Variants in SHFL observed in about 807,000 individuals in gnomAD.
The protein encoded by SHFL is shiftless antiviral inhibitor of ribosomal frameshifting protein.
In SHFL, 12 loss-of-function variants were observed where a neutral mutation model predicts 34.7. That is an observed-to-expected ratio of 0.35 (90% CI 0.22 to 0.56). SHFL has a LOEUF of 0.56. SHFL is among the 20% of genes least tolerant of loss of function. SHFL has a pLI of 0.88. For synonymous variants in SHFL, 148 were observed against 156.0 expected, an observed-to-expected ratio of 0.95 and a Z score of 0.38; for missense variants, 278 against 411.1, an observed-to-expected ratio of 0.68 and a Z score of 2.80.
rs1320774248 is a variant in SHFL, at chr19:10,091,385, C to A, written c.488+32C>A. ...GCGCTGACCCCCAGCTCCCCCTCAGCCCTGCCCTACCCCAGCCCTGCCCCT... is the reference window on the plus strand; with the variant it reads ...GCGCTGACCCCCAGCTCCCCCTCAGACCTGCCCTACCCCAGCCCTGCCCCT... On this transcript the variant is annotated intron_variant, in intron 6 of 7. Coordinates refer to ENST00000253110, the MANE Select transcript of SHFL (RefSeq NM_018381.4). This position sits in a 1 kb window ranked among gnomAD's most constrained non-coding sequence, Gnocchi z 8.2. The A allele has an allele frequency of 6.3e-7, 1 of 1,598,864 alleles. No homozygotes were observed. The highest frequency in any genetic ancestry group is 1.1e-5 in the South Asian group (1 of 90,000).
Position 10,091,785 on chromosome 19 carries a change from G to T in SHFL, c.643+155G>T. ...CCCCCAGTCTCCGTGGTCTTGCCCA[G>T]GAGGCTCTGAGGTTTCACCCCAGTG... On this transcript the variant is annotated intron_variant, in intron 7 of 7. Coordinates refer to ENST00000253110, the MANE Select transcript of SHFL (RefSeq NM_018381.4). The surrounding 1 kb of genome is among the most constrained non-coding windows in gnomAD (Gnocchi z 8.2). The T allele has an allele frequency of 8.6e-7, 1 of 1,160,292 alleles. No individual in the cohort carries two copies. The highest frequency in any genetic ancestry group is 1.2e-6 in the Non-Finnish European group (1 of 844,958). 71.9% of individuals were successfully genotyped at this position (1,160,292 alleles called of 1,614,324 possible).
chr19:10,091,447 C>A lies in SHFL; in HGVS notation c.489-29C>A. On this transcript the variant is annotated intron_variant, in intron 6 of 7. Transcript: ENST00000253110. This position sits in a 1 kb window ranked among gnomAD's most constrained non-coding sequence, Gnocchi z 8.2. Reference sequence around the variant, plus strand: ...CCCCACCCTGGCCCAGCCTCGCCCTCGGACCCTCACAGCCCTGCCCGCCCC... The same window carrying A: ...CCCCACCCTGGCCCAGCCTCGCCCTAGGACCCTCACAGCCCTGCCCGCCCC... 1 of 1,541,070 alleles carries A rather than the reference C, an allele frequency of 6.5e-7. No individual in the cohort carries two copies. Among genetic ancestry groups the A allele is most frequent in the East Asian group, 2.4e-5 (1 of 41,342 alleles).
intron 3 of SHFL, among the ~76,000 whole-genome samples, chr19:10,088,544 G>T (rs2088328173): frequency 1.3e-5 from 2 of 152,178 alleles, no homozygotes; most frequent in African/African-American, 4.8e-5. Flanking sequence ...ACTCCAGCCT[G>T]GGCAACAGAG....
At chr19:10,087,114 T>C (rs1427722110) in intron 2 of SHFL, 62 bp downstream of exon 2, 49 of 1,589,778 alleles carry the variant, frequency 3.1e-5, no homozygotes, top group Non-Finnish European at 3.6e-5. Flanking sequence ...CGAGGGGGCG[T>C]GGTCTAGGGA....
At chr19:10,090,087 A>G in intron 5 of SHFL, 40 bp downstream of exon 5, 4 of 1,574,626 alleles carry the variant, frequency 2.5e-6, no homozygotes, top group Non-Finnish European at 2.6e-6. Flanking sequence ...GACTGTCCCG[A>G]ACTCCACTCC....
intron 3 of SHFL, chr19:10,089,312 C>T (rs772442676): frequency 5.0e-6 from 8 of 1,598,358 alleles, no homozygotes; most frequent in South Asian, 4.4e-5. Flanking sequence ...CTTAGCCGAG[C>T]ACAACGTGGC....
rs1055950881 is a variant in SHFL, at chr19:10,086,808, G to GT, written c.22-121_22-120insT. 3.3e-6 allele frequency: 4 copies of GT among 1,196,412 alleles called. No homozygotes were observed. The highest frequency in any genetic ancestry group is 4.9e-5 in the Admixed American group (2 of 40,748). 74.1% of individuals were successfully genotyped at this position (1,196,412 alleles called of 1,614,324 possible). ...TGCCGTAAAGGGATGAAAGGCGGGG[G>GT]GGGGGCGGCGGAGGCCAAAACCAAG... On this transcript the variant is annotated intron_variant, in intron 1 of 7. Coordinates refer to ENST00000253110, the MANE Select transcript of SHFL (RefSeq NM_018381.4). This position sits in a 1 kb window ranked among gnomAD's most constrained non-coding sequence, Gnocchi z 5.2.
At position 10,092,873 on chromosome 19, in the gene SHFL, C is replaced by A. The variant is rs1161605145; in HGVS notation, c.*571C>A. 6.7e-6 allele frequency: 7 copies of A among 1,039,712 alleles called. No homozygotes were observed. Among genetic ancestry groups the A allele is most frequent in the South Asian group, 4.2e-5 (2 of 47,192 alleles). 64.4% of individuals were successfully genotyped at this position (1,039,712 alleles called of 1,614,324 possible). A position where few individuals can be genotyped will look rare whatever the true frequency, so the allele number is the denominator to read the frequency against. ...AGGCTTTTGCCAGGCATCCCCTGGC[C>A]CCTCCCATTCTTATTGAATACAAGC... On this transcript the variant is annotated 3_prime_UTR_variant, in exon 8 of 8. Coordinates refer to ENST00000253110, the MANE Select transcript of SHFL (RefSeq NM_018381.4).
intron 3 of SHFL, 30 bp downstream of exon 3, chr19:10,087,330 C>G: frequency 6.2e-7 from 1 of 1,613,672 alleles, no homozygotes. Context: ...CGCAAAGGAC[C>G]GGGTCACGGG....
rs1457258903 is a variant in SHFL at position 10,091,578 on chromosome 19, C to T, written c.591C>T (p.Arg197=). The change falls in exon 7 of 8, where the codon CGC becomes CGT. Residue 197 remains arginine (R), a synonymous_variant. Coordinates refer to ENST00000253110, the MANE Select transcript of SHFL (RefSeq NM_018381.4). The surrounding 1 kb of genome is among the most constrained non-coding windows in gnomAD (Gnocchi z 8.2). The stretch of plus-strand genomic sequence containing the variant: ...CGCGCTGGGACCGGGACCCGGATCG[C>T]CGCAGCACCCACACTCACTCCTGCT... ...LPPRWDRDPD[R]RSTHTHSCSA... The T allele has an allele frequency of 6.4e-7, 1 of 1,551,600 alleles. No individual in the cohort carries two copies. Among genetic ancestry groups the T allele is most frequent in the Non-Finnish European group, 8.7e-7 (1 of 1,147,160 alleles).
Position 10,091,582 on chromosome 19 carries a change from A to G in SHFL, c.595A>G (p.Ser199Gly). 1 of 1,551,638 alleles carries G rather than the reference A, an allele frequency of 6.4e-7. No individual in the cohort carries two copies. Among genetic ancestry groups the G allele is most frequent in the South Asian group, 1.2e-5 (1 of 84,062 alleles). Residue 199 changes from serine (S) to glycine (G), a missense_variant, in exon 7 of 8, where the codon AGC becomes GGC. Physicochemically the swap from Ser to Gly is moderately conservative, Grantham distance 56 (BLOSUM62 0). Coordinates refer to ENST00000253110, the MANE Select transcript of SHFL (RefSeq NM_018381.4). The surrounding 1 kb of genome is among the most constrained non-coding windows in gnomAD (Gnocchi z 8.2). ...PRWDRDPDRR[S>G]THTHSCSAAD... ...CTGGGACCGGGACCCGGATCGCCGC[A>G]GCACCCACACTCACTCCTGCTCAGC...
rs543659077 is a variant in SHFL, at chr19:10,091,771, C to T, written c.643+141C>T. ...ATGGCCTCCATGACCCCCCAGTCTC[C>T]GTGGTCTTGCCCAGGAGGCTCTGAG... is the stretch of plus-strand genomic sequence containing the variant. On this transcript the variant is annotated intron_variant, in intron 7 of 7. Transcript: ENST00000253110. The surrounding 1 kb of genome is among the most constrained non-coding windows in gnomAD (Gnocchi z 8.2). 2.9e-4 allele frequency: 353 copies of T among 1,229,576 alleles called. No homozygotes were observed. The highest frequency in any genetic ancestry group is 3.6e-4 in the Non-Finnish European group (323 of 904,118). The allele number at this position is 1,229,576 out of a possible 1,614,324, so 76.2% of individuals were successfully genotyped here.
At chr19:10,087,422 C>A (rs1042912206) in intron 3 of SHFL, 122 bp downstream of exon 3, 2 of 1,001,224 alleles carry the variant, frequency 2.0e-6, no homozygotes, top group African/African-American at 1.6e-5. Context: ...ATTGTCGGTC[C>A]ATAACTCATC....
In SHFL at chr19:10,091,609, G is replaced by A; in HGVS notation, c.622G>A (p.Ala208Thr). Residue 208 changes from alanine to threonine, a missense_variant, in exon 7 of 8, where the codon GCC becomes ACC. By Grantham distance (58) the Ala-to-Thr change is moderately conservative. Transcript: ENST00000253110. The surrounding 1 kb of genome is among the most constrained non-coding windows in gnomAD (Gnocchi z 8.2). ...CACCCACACTCACTCCTGCTCAGCT[G>A]CCGACTGCTACAACCGGCGAGGTGA... ...RSTHTHSCSA[A>T]DCYNRREPHV... 6.4e-7 allele frequency: 1 copy of A among 1,551,778 alleles called. No homozygotes were observed. The highest frequency in any genetic ancestry group is 8.7e-7 in the Non-Finnish European group (1 of 1,147,166).
intron 3 of SHFL, chr19:10,089,445 G>A (rs2088344128): frequency 1.9e-6 from 3 of 1,556,282 alleles, no homozygotes; most frequent in Non-Finnish European, 2.6e-6. Context: ...TTCCCCATCT[G>A]AGCAATAAGG....
Position 10,091,396 on chromosome 19 carries a change from C to A in SHFL, c.488+43C>A. On this transcript the variant is annotated intron_variant, in intron 6 of 7. Transcript: ENST00000253110. The surrounding 1 kb of genome is among the most constrained non-coding windows in gnomAD (Gnocchi z 8.2). ...CAGCTCCCCCTCAGCCCTGCCCTAC[C>A]CCAGCCCTGCCCCTCCCTGCCCTGG... The A allele has an allele frequency of 6.3e-7, 1 of 1,585,598 alleles. No homozygotes were observed. Among genetic ancestry groups the A allele is most frequent in the Non-Finnish European group, 8.6e-7 (1 of 1,161,772 alleles).
Position 10,089,979 on chromosome 19 carries a change from G to A in SHFL, c.316G>A (p.Val106Met), listed in dbSNP as rs1392992379. 10 of 1,610,354 alleles carry A rather than the reference G, an allele frequency of 6.2e-6. No homozygotes were observed. The highest frequency in any genetic ancestry group is 8.5e-6 in the Non-Finnish European group (10 of 1,178,660). Residue 106 changes from valine (V) to methionine (M), a missense_variant, in exon 5 of 8, where the codon GTG (valine) becomes ATG (methionine). Physicochemically the swap from Val to Met is conservative, Grantham distance 21. Coordinates refer to ENST00000253110, the MANE Select transcript of SHFL (RefSeq NM_018381.4). ...QRAQDDLIPAVDRQFACSSCD... is the reference protein window; with the variant it reads ...QRAQDDLIPAMDRQFACSSCD... ...TGCCCAGGACGACCTTATCCCTGCT[G>A]TGGACCGGCAGTTTGCCTGCTCCTC...
chr19:10,093,131 T>A lies in SHFL; in HGVS notation c.*829T>A. 1.7e-6 allele frequency: 1 copy of A among 589,318 alleles called. No individual in the cohort carries two copies. The allele number at this position is 589,318 out of a possible 1,614,324, so 36.5% of individuals were successfully genotyped here. On this transcript the variant is annotated 3_prime_UTR_variant, in exon 8 of 8. Transcript: ENST00000253110. Reference sequence around the variant, plus strand: ...CCTCTGCCCTTTACTTGAACAGGAGTCTTGATTCTTTTTTTGCCTCATCAG... The same window carrying A: ...CCTCTGCCCTTTACTTGAACAGGAGACTTGATTCTTTTTTTGCCTCATCAG...
In SHFL at chr19:10,091,467, C is replaced by T. The variant is rs890068557; in HGVS notation, c.489-9C>T. Reference sequence around the variant, plus strand: ...GCCCTCGGACCCTCACAGCCCTGCCCGCCCCCAGGGGCTGGGCACAGATGG... The same window carrying T: ...GCCCTCGGACCCTCACAGCCCTGCCTGCCCCCAGGGGCTGGGCACAGATGG... On this transcript the variant is annotated splice_polypyrimidine_tract_variant and intron_variant, in intron 6 of 7. Coordinates refer to ENST00000253110, the MANE Select transcript of SHFL (RefSeq NM_018381.4). The surrounding 1 kb of genome is among the most constrained non-coding windows in gnomAD (Gnocchi z 8.2). 7.1e-6 allele frequency: 11 copies of T among 1,539,880 alleles called. No individual in the cohort carries two copies. The highest frequency in any genetic ancestry group is 2.4e-5 in the East Asian group (1 of 40,910).
Sources: gnomAD v4.1 joint callset for allele counts (sites outside exome capture counted in the v4.1 genomes callset) on GRCh38, gnomAD v4.1.1 for gene constraint, Gnocchi (gnomAD v3.1) non-coding constraint, MANE v1.5 for transcripts, NCBI Gene and HGNC (gene_info 2026-07-23, HGNC 2026-07-21) for gene names.